The following EMILIN2 variants were observed in gnomAD, a reference collection of about 807,000 sequenced individuals.
EMILIN2 encodes elastin microfibril interfacer 2.
EMILIN2 carries 71 observed loss-of-function variants against 87.1 expected under a neutral mutation model. The ratio of observed to expected loss-of-function variants is 0.82; its 90% CI spans 0.67 to 0.99. EMILIN2 has a LOEUF of 0.99. Among genes scored for constraint, EMILIN2 ranks in the 50% least tolerant of loss-of-function variants. The pLI is 0.00. For missense variants in EMILIN2, 1,407 were observed against 1,371.8 expected (o/e 1.03, Z -0.40); for synonymous variants, 581 against 563.4 (o/e 1.03, Z -0.44).
chr18:2,879,706 A>C (rs1019995394), intron 2 of EMILIN2, among the ~76,000 whole-genome samples: 1 of 145,948 alleles, frequency 6.9e-6, no homozygotes, highest in Non-Finnish European at 1.5e-5. Context: ...TAAGTATATT[A>C]ATTTGATTGA....
At chr18:2,862,483 G>T (rs1011880054) in intron 2 of EMILIN2, among the ~76,000 whole-genome samples, 7 of 152,188 alleles carry the variant, frequency 4.6e-5, no homozygotes, top group African/African-American at 1.7e-4. Flanking sequence ...TGCATCTATT[G>T]AGATAATCAT....
chr18:2,871,025 A>G (rs2076716979), intron 2 of EMILIN2, among the ~76,000 whole-genome samples: 1 of 152,080 alleles, frequency 6.6e-6, no homozygotes, highest in South Asian at 2.1e-4. Context: ...ACCCACTCTA[A>G]TGACTTTGTT....
intron 3 of EMILIN2, among the ~76,000 whole-genome samples, chr18:2,888,634 G>A (rs1313695148): frequency 1.3e-5 from 2 of 149,314 alleles, no homozygotes; most frequent in African/African-American, 5.0e-5. Context: ...AGAATGGCGT[G>A]AACCCAAGAG....
At chr18:2,874,985 A>G (rs1199050855) in intron 2 of EMILIN2, among the ~76,000 whole-genome samples, 1 of 152,196 alleles carries the variant, frequency 6.6e-6, no homozygotes, top group African/African-American at 2.4e-5. Flanking sequence ...CTTGATGTAC[A>G]GGATCTAAAA....
At chr18:2,878,723 C>T (rs2076762222) in intron 2 of EMILIN2, among the ~76,000 whole-genome samples, 1 of 152,134 alleles carries the variant, frequency 6.6e-6, no homozygotes, top group African/African-American at 2.4e-5. Context: ...TAGGGTACTT[C>T]CTACCATCCC....
chr18:2,877,051 A>G (rs2076752580), intron 2 of EMILIN2, among the ~76,000 whole-genome samples: 2 of 152,230 alleles, frequency 1.3e-5, no homozygotes, highest in African/African-American at 2.4e-5. Context: ...ATGTGCTTTA[A>G]GCTGCAAGAA....
Position 2,891,870 on chromosome 18 carries a change from C to T in EMILIN2, c.1743C>T (p.His581=). The T allele has an allele frequency of 6.2e-7, 1 of 1,614,230 alleles. No homozygotes were observed. Among genetic ancestry groups the T allele is most frequent in the Non-Finnish European group, 8.5e-7 (1 of 1,180,044 alleles). ...ACCGCGCAGTACGCGACAGCCTGCA[C>T]CTTTTGAAATCTCTCAACGACACGA... ...REDRAVRDSL[H]LLKSLNDTMH... Residue 581 remains histidine (H), a synonymous_variant, in exon 4 of 8, where the codon CAC becomes CAT. Coordinates refer to ENST00000254528, the MANE Select transcript of EMILIN2 (RefSeq NM_032048.3). This position sits in a 1 kb window ranked among gnomAD's most constrained non-coding sequence, Gnocchi z 4.6.
intron 7 of EMILIN2, among the ~76,000 whole-genome samples, chr18:2,911,744 A>C (rs752969308): frequency 4.6e-5 from 7 of 152,168 alleles, no homozygotes; most frequent in Non-Finnish European, 1.0e-4. Context: ...GCAGGCAGGG[A>C]CTGTGACCTA....
intron 4 of EMILIN2, among the ~76,000 whole-genome samples, chr18:2,892,867 C>T (rs767047618): frequency 6.7e-6 from 1 of 149,198 alleles, no homozygotes; most frequent in African/African-American, 2.5e-5. Flanking sequence ...ACCTGGCCAA[C>T]ATGGCGAAAA....
intron 4 of EMILIN2, among the ~76,000 whole-genome samples, chr18:2,903,235 G>C (rs1297908898): frequency 3.3e-5 from 5 of 152,132 alleles, no homozygotes; most frequent in Non-Finnish European, 7.3e-5. Context: ...GCCAGCTTCT[G>C]AGCCAGGGAG....
Position 2,880,434 on chromosome 18 carries a change from A to G in EMILIN2, c.258-4530A>G, listed in dbSNP as rs962099080. ...AAAGGAGACTTGGCTGGAATGGGGG[A>G]GAGTTCACAGGGGCGAGGCGGCAGG... On this transcript the variant is annotated intron_variant, in intron 2 of 7. Coordinates refer to ENST00000254528, the MANE Select transcript of EMILIN2 (RefSeq NM_032048.3). This position sits in a 1 kb window ranked among gnomAD's most constrained non-coding sequence, Gnocchi z 4.1. Among the ~76,000 whole-genome samples the G allele has an allele frequency of 1.3e-5, 2 of 152,080 alleles. No individual in the cohort carries two copies. The highest frequency in any genetic ancestry group is 6.5e-5 in the Admixed American group (1 of 15,280).
At chr18:2,857,386 C>T (rs964229147) in intron 2 of EMILIN2, among the ~76,000 whole-genome samples, 2 of 152,172 alleles carry the variant, frequency 1.3e-5, no homozygotes, top group Admixed American at 6.6e-5. Context: ...CATCAGAAGA[C>T]AAGGCACAAG....
Position 2,890,444 on chromosome 18 carries a change from T to C in EMILIN2, c.434-117T>C, listed in dbSNP as rs111889034. 1.3e-4 allele frequency: 161 copies of C among 1,238,390 alleles called. No homozygotes were observed. The African/African-American group carries it at 1.8e-3, about 14-fold the overall frequency. The allele number at this position is 1,238,390 out of a possible 1,614,324, so 76.7% of individuals were successfully genotyped here. ...ACCACAGTACTTACCTACAATTGTGTAGTGACCTGTAAGTGAAGATGTACA... is the reference window on the plus strand; with the variant it reads ...ACCACAGTACTTACCTACAATTGTGCAGTGACCTGTAAGTGAAGATGTACA... On this transcript the variant is annotated intron_variant, in intron 3 of 7. Transcript: ENST00000254528. This position sits in a 1 kb window ranked among gnomAD's most constrained non-coding sequence, Gnocchi z 4.7.
chr18:2,868,010 T>C (rs763947943), intron 2 of EMILIN2, among the ~76,000 whole-genome samples: 178 of 150,018 alleles, frequency 1.2e-3, no homozygotes, highest in East Asian at 5.0e-3. Context: ...CCGGACGGGG[T>C]GGCTGCCGGG....
chr18:2,909,970 T>C, intron 7 of EMILIN2, 151 bp downstream of exon 7: 1 of 1,045,958 alleles, frequency 9.6e-7, no homozygotes, highest in East Asian at 2.7e-5. Context: ...TGCACTCCTC[T>C]GCCCGACTCT....
rs114937172 is a variant in EMILIN2, at chr18:2,898,522, G to C, written c.2359+6036G>C. 3.0e-3 allele frequency among the ~76,000 whole-genome samples: 461 copies of C among 152,298 alleles called. 2 individuals carry two copies. Among genetic ancestry groups the C allele is most frequent in the African/African-American group, 0.011 (443 of 41,570 alleles). ...TGTGTGCAGGGGACTTCTCTTTCCAGATGTCACGCTTCCAAGTAGAGACAG... is the reference window on the plus strand; with the variant it reads ...TGTGTGCAGGGGACTTCTCTTTCCACATGTCACGCTTCCAAGTAGAGACAG... On this transcript the variant is annotated intron_variant, in intron 4 of 7. Coordinates refer to ENST00000254528, the MANE Select transcript of EMILIN2 (RefSeq NM_032048.3).
intron 2 of EMILIN2, among the ~76,000 whole-genome samples, chr18:2,852,030 C>T (rs9951709): frequency 0.037 from 5,642 of 152,200 alleles, 354 homozygotes; most frequent in African/African-American, 0.13. Flanking sequence ...GCAGAATGTG[C>T]CTGTTTGTTT....
In EMILIN2 at chr18:2,906,880, CCCTGGGCGACG is replaced by C; in HGVS notation, c.2458_2468del (p.Pro820AlafsTer97). On this transcript the variant is annotated frameshift_variant, in exon 5 of 8. Transcript: ENST00000254528. LOFTEE classifies it high-confidence loss of function. ...CCAGCGGCCCCGCAACCGCAGAGGA[CCCTGGGCGACG>C]GCCCGTCCTGCCCCAGCGGCCCCCC... 1 of 1,392,862 alleles carries C rather than the reference CCCTGGGCGACG, an allele frequency of 7.2e-7. No homozygotes were observed. Among genetic ancestry groups the C allele is most frequent in the Non-Finnish European group, 9.3e-7 (1 of 1,071,642 alleles). 86.3% of individuals were successfully genotyped at this position (1,392,862 alleles called of 1,614,324 possible). A position where few individuals can be genotyped will look rare whatever the true frequency, so the allele number is the denominator to read the frequency against.
At chr18:2,866,240 C>T (rs553379144) in intron 2 of EMILIN2, among the ~76,000 whole-genome samples, 14 of 152,300 alleles carry the variant, frequency 9.2e-5, no homozygotes, top group African/African-American at 2.9e-4. Context: ...GAGACGAACC[C>T]GATACCTCAG....
Sources: gnomAD v4.1 joint callset for allele counts (sites outside exome capture counted in the v4.1 genomes callset) on GRCh38, gnomAD v4.1.1 for gene constraint, Gnocchi (gnomAD v3.1) non-coding constraint, MANE v1.5 for transcripts, NCBI Gene and HGNC (gene_info 2026-07-23, HGNC 2026-07-21) for gene names.